TBCK: variants seen among roughly 807,000 people sequenced by gnomAD.
The protein encoded by TBCK is TBC domain-containing protein kinase-like protein.
Under a neutral mutation model 113.4 loss-of-function variants are expected in TBCK, and 99 were observed. That is an observed-to-expected ratio of 0.87 (90% CI 0.74 to 1.03). The LOEUF is 1.03. Ranked by LOEUF, TBCK falls within the 50% of genes least tolerant of loss-of-function variation. TBCK has a pLI of 0.00. For synonymous variants in TBCK, 369 were observed against 370.8 expected (o/e 1.00, Z 0.05); for missense variants, 1,045 against 1,061.3 (o/e 0.98, Z 0.21).
intron 2 of TBCK, among the ~76,000 whole-genome samples, chr4:106,306,465 A>G (rs1008733547): frequency 1.3e-5 from 2 of 151,944 alleles, no homozygotes; most frequent in East Asian, 3.9e-4. Flanking sequence ...ATCACCTATT[A>G]TAACAACTAT....
At chr4:106,245,370 A>G (rs1038054482) in intron 10 of TBCK, among the ~76,000 whole-genome samples, 9 of 152,176 alleles carry the variant, frequency 5.9e-5, no homozygotes, top group Admixed American at 5.9e-4. Flanking sequence ...TCAGAGGCTA[A>G]CTCACTTAGA....
rs748883143 is a variant in TBCK at position 106,248,315 on chromosome 4, TAA to T, written c.721-11_721-10del. Reference sequence around the variant, plus strand: ...ACAGTTTCAGGAAGCTCCTGGTAAATAAAGAGAGAAAATAATTAATTAAAATG... The same window carrying T: ...ACAGTTTCAGGAAGCTCCTGGTAAATAGAGAGAAAATAATTAATTAAAATG... On this transcript the variant is annotated splice_polypyrimidine_tract_variant and intron_variant, in intron 8 of 25. Coordinates refer to ENST00000394708, the MANE Select transcript of TBCK (RefSeq NM_001163435.3). The T allele has an allele frequency of 2.6e-6, 4 of 1,548,832 alleles. No individual in the cohort carries two copies. The highest frequency in any genetic ancestry group is 2.6e-6 in the Non-Finnish European group (3 of 1,138,394).
At chr4:106,103,512 A>C (rs557281148) in intron 24 of TBCK, among the ~76,000 whole-genome samples, 47 of 152,354 alleles carry the variant, frequency 3.1e-4, no homozygotes, top group South Asian at 1.9e-3. Flanking sequence ...AAAATTTAGA[A>C]GCACAAGACT....
chr4:106,284,803 T>C (rs1579508976), intron 3 of TBCK, among the ~76,000 whole-genome samples: 1 of 152,154 alleles, frequency 6.6e-6, no homozygotes, highest in South Asian at 2.1e-4. Flanking sequence ...CCTGCTTTGA[T>C]AGCAGTGATA....
intron 23 of TBCK, among the ~76,000 whole-genome samples, chr4:106,123,826 C>T (rs987199764): frequency 9.4e-5 from 14 of 148,640 alleles, no homozygotes; most frequent in African/African-American, 3.5e-4. Context: ...GGATCCCTTC[C>T]TTACACCTTA....
intron 22 of TBCK, among the ~76,000 whole-genome samples, chr4:106,183,641 T>G (rs951552248): frequency 6.6e-6 from 1 of 152,126 alleles, no homozygotes; most frequent in South Asian, 2.1e-4. Context: ...TCATAGAAAG[T>G]GGACACAATT....
At chr4:106,291,237 T>G (rs1453351091) in intron 3 of TBCK, among the ~76,000 whole-genome samples, 1 of 152,214 alleles carries the variant, frequency 6.6e-6, no homozygotes, top group Non-Finnish European at 1.5e-5. Context: ...CTTCCCACAC[T>G]GCACACTTGT....
intron 23 of TBCK, among the ~76,000 whole-genome samples, chr4:106,158,972 G>T (rs1749431355): frequency 6.6e-6 from 1 of 151,464 alleles, no homozygotes; most frequent in Non-Finnish European, 1.5e-5. Context: ...TTCCTAGAAT[G>T]CAAGGATGTT....
At chr4:106,176,801 G>C (rs1297527291) in intron 22 of TBCK, among the ~76,000 whole-genome samples, 1 of 151,790 alleles carries the variant, frequency 6.6e-6, no homozygotes, top group African/African-American at 2.4e-5. Flanking sequence ...CCCACTAACA[G>C]TGTACTAACA....
rs753409452 is a variant in TBCK, at chr4:106,194,688, A to T, written c.1897+30T>A. On this transcript the variant is annotated intron_variant, in intron 21 of 25. Coordinates refer to ENST00000394708, the MANE Select transcript of TBCK (RefSeq NM_001163435.3). ...CGGGCTGTCCTTTTGCTAATACAAT[A>T]TCAAAAAAACCGGGGGAAGTCATAC... 5.7e-6 allele frequency: 9 copies of T among 1,583,278 alleles called. No individual in the cohort carries two copies. In the South Asian group the frequency reaches 1.0e-4, roughly 18 times the overall value.
At chr4:106,199,759 G>A (rs563769340) in intron 20 of TBCK, among the ~76,000 whole-genome samples, 46 of 152,190 alleles carry the variant, frequency 3.0e-4, no homozygotes, top group Non-Finnish European at 5.1e-4. Context: ...ACCTTCAAAA[G>A]ATATGCAGCA....
intron 23 of TBCK, among the ~76,000 whole-genome samples, chr4:106,152,259 T>C (rs1263867341): frequency 6.6e-6 from 1 of 152,038 alleles, no homozygotes; most frequent in South Asian, 2.1e-4. Flanking sequence ...ATGTTCCTTC[T>C]AAACCCAGTT....
intron 20 of TBCK, among the ~76,000 whole-genome samples, chr4:106,196,430 A>G (rs1345729439): frequency 1.3e-5 from 2 of 152,004 alleles, no homozygotes; most frequent in African/African-American, 2.4e-5. Flanking sequence ...GTTAGTTTAA[A>G]TAAATATTAT....
Position 106,236,410 on chromosome 4 carries a change from G to C in TBCK, c.1330C>G (p.Leu444Val). The change falls in exon 14 of 26, where the codon CTC (leucine) becomes GTC (valine). Residue 444 changes from leucine to valine, a missense_variant. Coordinates refer to ENST00000394708, the MANE Select transcript of TBCK (RefSeq NM_001163435.3). ...CATACCTTTAGCAGCCTGTCGAAGA[G>C]AATAATTCTATTTAGTTGGTACTCT... ...DTEYQLNRII[L>V]FDRLLKAYPY... The C allele has an allele frequency of 1.3e-6, 2 of 1,537,330 alleles. No individual in the cohort carries two copies. Among genetic ancestry groups the C allele is most frequent in the Non-Finnish European group, 1.8e-6 (2 of 1,141,678 alleles).
chr4:106,178,068 T>G (rs1328489148), intron 22 of TBCK, among the ~76,000 whole-genome samples: 1 of 151,930 alleles, frequency 6.6e-6, no homozygotes, highest in Non-Finnish European at 1.5e-5. Context: ...CCTACATATT[T>G]TATTTTATTT....
At chr4:106,090,552 G>A (rs1361688600) in intron 25 of TBCK, among the ~76,000 whole-genome samples, 1 of 152,118 alleles carries the variant, frequency 6.6e-6, no homozygotes, top group Non-Finnish European at 1.5e-5. Flanking sequence ...ATAGGGCTGG[G>A]CTACAAGTTT....
At chr4:106,140,150 T>TA (rs1747013726) in intron 23 of TBCK, among the ~76,000 whole-genome samples, 1 of 140,774 alleles carries the variant, frequency 7.1e-6, no homozygotes, top group Non-Finnish European at 1.6e-5. Context: ...TAATATGCAA[T>TA]AAAAGGTAAT....
chr4:106,074,593 G>A (rs1259868329), intron 25 of TBCK, among the ~76,000 whole-genome samples: 1 of 152,100 alleles, frequency 6.6e-6, no homozygotes, highest in Non-Finnish European at 1.5e-5. Context: ...AACCAATGTA[G>A]GTTGACTAAA....
At chr4:106,089,046 T>TG (rs1739867198) in intron 25 of TBCK, among the ~76,000 whole-genome samples, 1 of 151,536 alleles carries the variant, frequency 6.6e-6, no homozygotes, top group South Asian at 2.1e-4. Context: ...CCTTTTTTTT[T>TG]TTAATAGAAG....
Sources: gnomAD v4.1 joint callset for allele counts (sites outside exome capture counted in the v4.1 genomes callset) on GRCh38, gnomAD v4.1.1 for gene constraint, MANE v1.5 for transcripts, NCBI Gene and HGNC (gene_info 2026-07-23, HGNC 2026-07-21) for gene names.